Variants in HHLA1 observed in about 807,000 individuals in gnomAD.
HHLA1 encodes the protein HHLA1 neighbor of OC90.
HHLA1 carries 72 observed loss-of-function variants against 69.9 expected under a neutral mutation model. That is an observed-to-expected ratio of 1.03 (90% confidence interval 0.85 to 1.25). The LOEUF is 1.25. HHLA1 is among the 50% of genes most tolerant of loss of function. The pLI is 0.00. For missense variants in HHLA1, 685 were observed against 642.2 expected (o/e 1.07, Z -0.72); for synonymous variants, 252 against 233.2 (o/e 1.08, Z -0.73).
chr8:132,098,251 T>C (rs1351755669), intron 5 of HHLA1, among the ~76,000 whole-genome samples: 2 of 152,154 alleles, frequency 1.3e-5, no homozygotes, highest in Non-Finnish European at 2.9e-5. Context: ...TGCTAGACGC[T>C]AAAGAACACA....
chr8:132,083,278 C>A (rs1314127799), intron 10 of HHLA1, among the ~76,000 whole-genome samples: 1 of 151,966 alleles, frequency 6.6e-6, no homozygotes, highest in African/African-American at 2.4e-5. Context: ...TAAGTTGGCA[C>A]CAGAGTTGGG....
chr8:132,085,523 TC>T, intron 10 of HHLA1: 4 of 319,374 alleles, frequency 1.3e-5, no homozygotes, highest in South Asian at 2.4e-5. Flanking sequence ...CCAAGGGAGG[TC>T]CCCCGATCCG....
chr8:132,101,159 AAAC>A lies in HHLA1; in HGVS notation c.140-1028_140-1026del, dbSNP rs1455008614. The A allele has an allele frequency of 5.9e-6, 9 of 1,524,978 alleles. No homozygotes were observed. The African/African-American group carries it at 1.1e-4, about 19-fold the overall frequency. The allele number at this position is 1,524,978 out of a possible 1,614,324, so 94.5% of individuals were successfully genotyped here. A position where few individuals can be genotyped will look rare whatever the true frequency, so the allele number is the denominator to read the frequency against. ...TTTACATTTTCATTTTGCAAATAGA[AAAC>A]AACAAGCCACAGAGTCTGAAAAATG... is the stretch of plus-strand genomic sequence containing the variant. On this transcript the variant is annotated intron_variant, in intron 3 of 16. Coordinates refer to ENST00000414222, the MANE Select transcript of HHLA1 (RefSeq NM_001145095.3).
chr8:132,077,502 G>A (rs1823664838), intron 12 of HHLA1, among the ~76,000 whole-genome samples: 1 of 152,128 alleles, frequency 6.6e-6, no homozygotes, highest in Non-Finnish European at 1.5e-5. Context: ...TTACATAAAA[G>A]AGAGAGGAAC....
At chr8:132,098,197 G>T (rs1173769204) in intron 5 of HHLA1, among the ~76,000 whole-genome samples, 2 of 152,164 alleles carry the variant, frequency 1.3e-5, no homozygotes, top group Non-Finnish European at 2.9e-5. Context: ...GATCATTCAG[G>T]CTTTGCTGTC....
At chr8:132,100,264 A>G in intron 3 of HHLA1, 130 bp from the exon 4 acceptor site, 1 of 688,578 alleles carries the variant, frequency 1.5e-6, no homozygotes, top group Non-Finnish European at 2.6e-6. Flanking sequence ...CACTGAGGAA[A>G]GGCAGATCAC....
chr8:132,074,597 G>A (rs911766937), intron 14 of HHLA1, among the ~76,000 whole-genome samples: 5 of 151,396 alleles, frequency 3.3e-5, no homozygotes, highest in Non-Finnish European at 7.4e-5. Context: ...ATACTTTGTG[G>A]CATGATTTTT....
intron 15 of HHLA1, among the ~76,000 whole-genome samples, chr8:132,066,781 T>C (rs1038304704): frequency 6.6e-6 from 1 of 152,180 alleles, no homozygotes; most frequent in African/African-American, 2.4e-5. Context: ...CCCCAATTTA[T>C]AGGAAAGTGC....
Position 132,087,865 on chromosome 8 carries a change from C to T in HHLA1, c.569G>A (p.Cys190Tyr), listed in dbSNP as rs1419122158. 1.3e-6 allele frequency: 2 copies of T among 1,551,532 alleles called. No individual in the cohort carries two copies. Among genetic ancestry groups the T allele is most frequent in the Admixed American group, 2.0e-5 (1 of 50,984 alleles). ...TTTACCTGACTTTCCTGTCATCACA[C>T]AGATGAAGATGCAATCTGATTCATT... ...QSNESDCIFI[C>Y]VMTGKSGRNL... Residue 190 changes from cysteine (C) to tyrosine (Y), a missense_variant, in exon 9 of 17, where the codon TGT becomes TAT. By Grantham distance (194) the Cys-to-Tyr change is radical. Transcript: ENST00000414222.
At position 132,063,960 on chromosome 8, in the gene HHLA1, A is replaced by T; in HGVS notation, c.*35T>A. 1 of 1,234,810 alleles carries T rather than the reference A, an allele frequency of 8.1e-7. No homozygotes were observed. Among genetic ancestry groups the T allele is most frequent in the African/African-American group, 1.5e-5 (1 of 64,578 alleles). The allele number at this position is 1,234,810 out of a possible 1,614,324, so 76.5% of individuals were successfully genotyped here. Reference sequence around the variant, plus strand: ...CCAGGGTGGATGGCGTATCCCCTGAAGTAATTGTTATGCCCTAGTGTTATT... The same window carrying T: ...CCAGGGTGGATGGCGTATCCCCTGATGTAATTGTTATGCCCTAGTGTTATT... On this transcript the variant is annotated 3_prime_UTR_variant, in exon 17 of 17. Transcript: ENST00000414222.
chr8:132,102,785 G>A (rs1364358341), intron 3 of HHLA1, among the ~76,000 whole-genome samples: 1 of 144,318 alleles, frequency 6.9e-6, no homozygotes, highest in Admixed American at 7.0e-5. Flanking sequence ...CTTCTTCACT[G>A]AGCACCATTT....
At chr8:132,095,664 T>TACC (rs1563747935) in intron 6 of HHLA1, 39 bp downstream of exon 6, 10 of 1,531,192 alleles carry the variant, frequency 6.5e-6, no homozygotes, top group South Asian at 1.2e-5. Flanking sequence ...AACACATCCC[T>TACC]ACCACCACCA....
chr8:132,077,179 G>A (rs902775448), intron 12 of HHLA1, among the ~76,000 whole-genome samples: 2 of 152,014 alleles, frequency 1.3e-5, no homozygotes, highest in African/African-American at 2.4e-5. Context: ...AGAAACAGCC[G>A]AGGCACAGGC....
At chr8:132,075,268 G>C (rs1244696248) in intron 14 of HHLA1, among the ~76,000 whole-genome samples, 1 of 152,180 alleles carries the variant, frequency 6.6e-6, no homozygotes, top group Non-Finnish European at 1.5e-5. Flanking sequence ...ACATATGACT[G>C]GATGGTCCAG....
intron 1 of HHLA1, among the ~76,000 whole-genome samples, chr8:132,105,801 T>C (rs951479541): frequency 2.6e-5 from 4 of 152,236 alleles, no homozygotes; most frequent in East Asian, 1.9e-4. Context: ...ATTTCTTCCA[T>C]GGATTTTCTG....
chr8:132,076,607 A>T, intron 12 of HHLA1, 64 bp from the exon 13 acceptor site: 1 of 1,095,166 alleles, frequency 9.1e-7, no homozygotes, highest in South Asian at 1.8e-5. Flanking sequence ...GGAGAAGATG[A>T]CCAGGGCCAC....
At chr8:132,086,531 C>T (rs1363561010) in intron 10 of HHLA1, among the ~76,000 whole-genome samples, 1 of 152,210 alleles carries the variant, frequency 6.6e-6, no homozygotes, top group Admixed American at 6.5e-5. Context: ...TCAACTTTAG[C>T]ATCAGCTTGT....
intron 14 of HHLA1, among the ~76,000 whole-genome samples, chr8:132,073,589 G>T (rs1189825827): frequency 6.6e-6 from 1 of 152,182 alleles, no homozygotes; most frequent in Non-Finnish European, 1.5e-5. Flanking sequence ...TATCAGTTAT[G>T]CAACAGGGAG....
chr8:132,070,568 C>T (rs142206791), intron 15 of HHLA1, among the ~76,000 whole-genome samples: 123 of 152,238 alleles, frequency 8.1e-4, no homozygotes, highest in Middle Eastern at 3.4e-3. Flanking sequence ...AATCTAAACT[C>T]AACACAATTC....
Sources: gnomAD v4.1 joint callset for allele counts (sites outside exome capture counted in the v4.1 genomes callset) on GRCh38, gnomAD v4.1.1 for gene constraint, MANE v1.5 for transcripts, NCBI Gene and HGNC (gene_info 2026-07-23, HGNC 2026-07-21) for gene names.